Variants in AGBL1 observed in about 807,000 individuals in gnomAD.
The protein encoded by AGBL1 is AGBL carboxypeptidase 1, also known as cytosolic carboxypeptidase 4.
In AGBL1, 130 loss-of-function variants were observed where a neutral mutation model predicts 118.9. That is an observed-to-expected ratio of 1.09 (90% CI 0.95 to 1.26). AGBL1 has a LOEUF of 1.26. Among genes scored for constraint, AGBL1 ranks in the 50% most tolerant of loss-of-function variants. The pLI, the probability that AGBL1 is intolerant of heterozygous loss-of-function variation, is 0.00. For synonymous variants in AGBL1, 555 were observed against 478.9 expected (o/e 1.16, Z -2.08); for missense variants, 1,584 against 1,298.1 (o/e 1.22, Z -3.38).
In AGBL1 at chr15:86,348,926, A is replaced by G. The variant is rs528357258; in HGVS notation, c.2375-48440A>G. Among the ~76,000 whole-genome samples, 101 of 152,330 alleles carry G rather than the reference A, an allele frequency of 6.6e-4. 2 individuals are homozygous for G. The South Asian group carries it at 0.019, about 29-fold the overall frequency. On this transcript the variant is annotated intron_variant, in intron 17 of 22. Coordinates refer to ENST00000614907, the MANE Select transcript of AGBL1 (RefSeq NM_001386094.1). Reference sequence around the variant, plus strand: ...CATGTTGAGGAAGAGGTCTCTGTAGATGTAATCAAGATAAGATGAGGTTAT... The same window carrying G: ...CATGTTGAGGAAGAGGTCTCTGTAGGTGTAATCAAGATAAGATGAGGTTAT...
chr15:86,975,591 T>A (rs753824798), intron 23 of AGBL1, among the ~76,000 whole-genome samples: 2 of 152,140 alleles, frequency 1.3e-5, no homozygotes, highest in Non-Finnish European at 1.5e-5. Context: ...TTGCTCTCCA[T>A]GCTCCAACCT....
At chr15:86,169,538 G>A (rs2077386553) in intron 5 of AGBL1, among the ~76,000 whole-genome samples, 1 of 152,180 alleles carries the variant, frequency 6.6e-6, no homozygotes, top group South Asian at 2.1e-4. Flanking sequence ...AAAATCTGTG[G>A]AGGCCCAAGT....
chr15:86,107,157 G>A (rs1276113931), intron 1 of AGBL1, among the ~76,000 whole-genome samples: 1 of 152,162 alleles, frequency 6.6e-6, no homozygotes, highest in African/African-American at 2.4e-5. Context: ...GATGAATATG[G>A]CATCCTGTGG....
At chr15:86,482,144 A>G (rs1328512701) in intron 18 of AGBL1, among the ~76,000 whole-genome samples, 1 of 152,166 alleles carries the variant, frequency 6.6e-6, no homozygotes, top group African/African-American at 2.4e-5. Context: ...TAATATATTT[A>G]TAATCCTTTT....
chr15:86,792,686 A>G (rs990912664), intron 22 of AGBL1, among the ~76,000 whole-genome samples: 2 of 152,168 alleles, frequency 1.3e-5, no homozygotes, highest in Non-Finnish European at 2.9e-5. Flanking sequence ...TCATTCCTGT[A>G]ATTCCAGCAC....
At chr15:86,641,090 A>T (rs2085182411) in intron 21 of AGBL1, among the ~76,000 whole-genome samples, 1 of 152,042 alleles carries the variant, frequency 6.6e-6, no homozygotes, top group Admixed American at 6.6e-5. Flanking sequence ...TTGATAAAAG[A>T]TCTTTAATAG....
chr15:86,281,313 G>T (rs1206805985), intron 16 of AGBL1, among the ~76,000 whole-genome samples: 3 of 152,154 alleles, frequency 2.0e-5, no homozygotes, highest in Admixed American at 6.5e-5. Context: ...GGCTCAGGAG[G>T]TTGAGGCTGC....
chr15:86,668,416 T>C (rs2085684402), intron 21 of AGBL1, among the ~76,000 whole-genome samples: 1 of 152,224 alleles, frequency 6.6e-6, no homozygotes, highest in Admixed American at 6.5e-5. Flanking sequence ...CCTTTTAATG[T>C]AGTTTCACCA....
chr15:86,841,301 G>A (rs1002730974), intron 22 of AGBL1, among the ~76,000 whole-genome samples: 3 of 152,166 alleles, frequency 2.0e-5, no homozygotes, highest in Non-Finnish European at 4.4e-5. Flanking sequence ...TGTTAGCAAA[G>A]AAGAGAGAGG....
At chr15:86,272,097 G>T (rs145390072) in intron 15 of AGBL1, among the ~76,000 whole-genome samples, 1 of 152,126 alleles carries the variant, frequency 6.6e-6, no homozygotes, top group African/African-American at 2.4e-5. Context: ...TCCACCCCGT[G>T]GTTTAGTTTT....
chr15:86,404,607 A>G (rs1027902440), intron 18 of AGBL1, among the ~76,000 whole-genome samples: 2 of 152,190 alleles, frequency 1.3e-5, no homozygotes, highest in African/African-American at 2.4e-5. Context: ...CTGATTAGTA[A>G]GTATGTCATT....
chr15:86,809,466 T>A (rs2141365155), intron 22 of AGBL1, among the ~76,000 whole-genome samples: 1 of 152,272 alleles, frequency 6.6e-6, no homozygotes, highest in East Asian at 1.9e-4. Context: ...TATCAAACTG[T>A]GTCTGGTATT....
At chr15:86,977,792 T>C (rs2081190613) in intron 23 of AGBL1, among the ~76,000 whole-genome samples, 1 of 152,074 alleles carries the variant, frequency 6.6e-6, no homozygotes, top group Non-Finnish European at 1.5e-5. Flanking sequence ...TTTTCTCTTC[T>C]TATTGCTTAC....
At chr15:86,490,675 C>T (rs1243224667) in intron 18 of AGBL1, among the ~76,000 whole-genome samples, 1 of 152,026 alleles carries the variant, frequency 6.6e-6, no homozygotes, top group Non-Finnish European at 1.5e-5. Flanking sequence ...TATCACTGAG[C>T]TATAGATTAG....
chr15:86,265,643 C>T lies in AGBL1; in HGVS notation c.1668-731C>T, dbSNP rs150595771. Among the ~76,000 whole-genome samples the T allele has an allele frequency of 6.4e-3, 976 of 152,290 alleles. 14 individuals are homozygous for T. The highest frequency in any genetic ancestry group is 0.023 in the African/African-American group (935 of 41,554). ...TTGGGGTCCTGGCTGACATATCCAA[C>T]CCTACCCCCTGCACTTTATCTGTCA... On this transcript the variant is annotated intron_variant, in intron 11 of 22. Coordinates refer to ENST00000614907, the MANE Select transcript of AGBL1 (RefSeq NM_001386094.1).
chr15:86,578,377 G>A (rs2084124136), intron 21 of AGBL1, among the ~76,000 whole-genome samples: 2 of 152,154 alleles, frequency 1.3e-5, no homozygotes, highest in South Asian at 4.1e-4. Context: ...TTATATCTAG[G>A]AGGTAACTAA....
chr15:86,804,273 T>C (rs2078689345), intron 22 of AGBL1, among the ~76,000 whole-genome samples: 1 of 152,194 alleles, frequency 6.6e-6, no homozygotes, highest in Non-Finnish European at 1.5e-5. Context: ...GACAAGCTTT[T>C]GACATATCTC....
chr15:86,173,798 C>G (rs1232822759), intron 5 of AGBL1, among the ~76,000 whole-genome samples: 1 of 152,072 alleles, frequency 6.6e-6, no homozygotes, highest in African/African-American at 2.4e-5. Flanking sequence ...CTGTGCTGGT[C>G]TGTATGTCTG....
At chr15:86,441,248 T>C (rs1047636018) in intron 18 of AGBL1, among the ~76,000 whole-genome samples, 7 of 152,208 alleles carry the variant, frequency 4.6e-5, no homozygotes, top group African/African-American at 1.7e-4. Context: ...TAATTATCAC[T>C]TGTTGTTGAA....
Sources: gnomAD v4.1 joint callset for allele counts (sites outside exome capture counted in the v4.1 genomes callset) on GRCh38, gnomAD v4.1.1 for gene constraint, MANE v1.5 for transcripts, NCBI Gene and HGNC (gene_info 2026-07-23, HGNC 2026-07-21) for gene names.